The following ATG7 variants were observed in gnomAD, a reference collection of about 807,000 sequenced individuals.
The protein encoded by ATG7 is autophagy related 7.
ATG7 carries 70 observed loss-of-function variants against 82.4 expected under a neutral mutation model. That is an observed-to-expected ratio of 0.85 (90% CI 0.70 to 1.04). ATG7 has a LOEUF of 1.04. Ranked by LOEUF, ATG7 falls within the 50% of genes least tolerant of loss-of-function variation. The pLI is 0.00. For missense variants in ATG7, 792 were observed against 864.3 expected (o/e 0.92, Z 1.05); for synonymous variants, 287 against 313.0 (o/e 0.92, Z 0.88).
chr3:11,568,754 G>T, the ATG7 span: 1 of 1,514,238 alleles, frequency 6.6e-7, no homozygotes, highest in Non-Finnish European at 8.8e-7. This position sits in a 1 kb window ranked among gnomAD's most constrained non-coding sequence, Gnocchi z 5.9. Context: ...TCCTGCCCGG[G>T]AGATGGAAGT....
chr3:11,373,447 C>T (rs1454683212), intron 18 of ATG7, among the ~76,000 whole-genome samples: 7 of 152,176 alleles, frequency 4.6e-5, no homozygotes, highest in Admixed American at 4.6e-4. Flanking sequence ...AACAAAGCAT[C>T]CTGTTTCCCT....
the ATG7 span, among the ~76,000 whole-genome samples, chr3:11,572,559 G>A: frequency 6.6e-6 from 1 of 152,094 alleles, no homozygotes; most frequent in Non-Finnish European, 1.5e-5. Context: ...CGTCCCCTGG[G>A]GCATCCTCTG....
intron 19 of ATG7, among the ~76,000 whole-genome samples, chr3:11,408,700 G>A (rs773664308): frequency 1.1e-4 from 16 of 152,138 alleles, no homozygotes; most frequent in African/African-American, 1.4e-4. Flanking sequence ...GGAACGCCTC[G>A]TTAAAACTGC....
At chr3:11,340,811 C>G in intron 12 of ATG7, 76 bp downstream of exon 12, 1 of 1,350,454 alleles carries the variant, frequency 7.4e-7, no homozygotes, top group South Asian at 1.2e-5. Context: ...CAGGCCAACA[C>G]AACATTGTGT....
At chr3:11,335,231 A>G (rs1381711978) in intron 11 of ATG7, among the ~76,000 whole-genome samples, 2 of 151,852 alleles carry the variant, frequency 1.3e-5, no homozygotes, top group Non-Finnish European at 2.9e-5. Flanking sequence ...GCTCCTGTGT[A>G]ATGTTAACTT....
Position 11,417,442 on chromosome 3 carries a change from CATT to C in ATG7, c.1957-9358_1957-9356del, listed in dbSNP as rs2081466935. Among the ~76,000 whole-genome samples the C allele has an allele frequency of 2.0e-5, 3 of 152,266 alleles. No individual in the cohort carries two copies. The South Asian group carries it at 6.2e-4, about 32-fold the overall frequency. Reference sequence around the variant, plus strand: ...TGTAATGCCCTTCTTTATCTAATAACATTATTTGCTTTGAAGTCTGTTCTATCT... The same window carrying C: ...TGTAATGCCCTTCTTTATCTAATAACATTTGCTTTGAAGTCTGTTCTATCT... On this transcript the variant is annotated intron_variant, in intron 19 of 20. Coordinates refer to ENST00000693202, the MANE Select transcript of ATG7 (RefSeq NM_001349232.2).
chr3:11,394,568 A>G (rs998137202), intron 19 of ATG7, among the ~76,000 whole-genome samples: 1 of 152,220 alleles, frequency 6.6e-6, no homozygotes, highest in Non-Finnish European at 1.5e-5. Flanking sequence ...TGAAGGAGAT[A>G]AAACTTGTAG....
intron 20 of ATG7, among the ~76,000 whole-genome samples, chr3:11,466,160 G>A (rs2153006009): frequency 6.6e-6 from 1 of 152,350 alleles, no homozygotes; most frequent in South Asian, 2.1e-4. Context: ...TGTTCCTCTA[G>A]CGAGAAGCTG....
At chr3:11,433,103 G>A (rs1042932773) in intron 20 of ATG7, among the ~76,000 whole-genome samples, 16 of 151,956 alleles carry the variant, frequency 1.1e-4, no homozygotes, top group African/African-American at 3.9e-4. Context: ...GCCAGCCTGG[G>A]CTAGATGGTG....
At chr3:11,273,208 C>G (rs1359627174) in intron 1 of ATG7, among the ~76,000 whole-genome samples, 3 of 152,218 alleles carry the variant, frequency 2.0e-5, no homozygotes, top group Non-Finnish European at 4.4e-5. Flanking sequence ...TCAACTGTAA[C>G]CAGTCATATC....
chr3:11,399,558 C>T (rs977976873), intron 19 of ATG7, among the ~76,000 whole-genome samples: 1 of 150,832 alleles, frequency 6.6e-6, no homozygotes, highest in Non-Finnish European at 1.5e-5. Flanking sequence ...CCTTCCTTTC[C>T]TCCCTCCCTT....
In ATG7 at chr3:11,554,151, C is replaced by T. The variant is rs188600999; in HGVS notation, c.2080-660C>T. Among the ~76,000 whole-genome samples the T allele has an allele frequency of 1.9e-3, 292 of 152,314 alleles. 1 individual carries two copies. Among genetic ancestry groups the T allele is most frequent in the African/African-American group, 6.2e-3 (258 of 41,566 alleles). On this transcript the variant is annotated intron_variant, in intron 20 of 20. Transcript: ENST00000693202. ...GGTCCCTCAGTTCTCCTCACAGCCA[C>T]GTTGGGGCCTCCTGCTCCCCAGGTT... is the stretch of plus-strand genomic sequence containing the variant.
intron 13 of ATG7, 72 bp from the exon 14 acceptor site, chr3:11,347,805 T>C (rs1418020284): frequency 6.8e-7 from 1 of 1,476,910 alleles, no homozygotes; most frequent in Non-Finnish European, 9.1e-7. Context: ...AATATTCTTT[T>C]TGAGATTTCA....
intron 20 of ATG7, among the ~76,000 whole-genome samples, chr3:11,486,824 T>G (rs1478007443): frequency 7.6e-6 from 1 of 130,884 alleles, no homozygotes; most frequent in African/African-American, 3.3e-5. Flanking sequence ...GGTTCTGTTT[T>G]TTTTTTTTTT....
chr3:11,389,479 T>A (rs1284048889), intron 19 of ATG7, among the ~76,000 whole-genome samples: 1 of 150,964 alleles, frequency 6.6e-6, no homozygotes, highest in Non-Finnish European at 1.5e-5. Flanking sequence ...GCTACATGGT[T>A]CTCTTCTCTA....
At chr3:11,562,268 TTGTC>T (rs1451621507), downstream of ATG7, among the ~76,000 whole-genome samples, 3 of 152,148 alleles carry the variant, frequency 2.0e-5, no homozygotes, top group Non-Finnish European at 4.4e-5. Flanking sequence ...CTCTTGGTGT[TTGTC>T]TGTCCTGAGC....
rs1946383114 is a variant in ATG7, at chr3:11,299,040, G to A, written c.160+185G>A. The A allele has an allele frequency of 7.1e-6, 5 of 703,196 alleles. No homozygotes were observed. In the South Asian group the frequency reaches 1.1e-4, roughly 16 times the overall value. 43.6% of individuals were successfully genotyped at this position (703,196 alleles called of 1,614,324 possible). A position where few individuals can be genotyped will look rare whatever the true frequency, so the allele number is the denominator to read the frequency against. On this transcript the variant is annotated intron_variant, in intron 4 of 20. Coordinates refer to ENST00000693202, the MANE Select transcript of ATG7 (RefSeq NM_001349232.2). ...TTTCATTTATTTTCTCTTGTTGTGG[G>A]GAAAAAGAAAGAGAGTAGTGAAACT...
In ATG7 at chr3:11,298,685, G is replaced by C; in HGVS notation, c.-10-1G>C. ...CTGTGTTCTGTTTTGTTTTTTAATA[G>C]GCAAGAAATAATGGCGGCAGCTACG... On this transcript the variant is annotated splice_acceptor_variant, in intron 3 of 20. Coordinates refer to ENST00000693202, the MANE Select transcript of ATG7 (RefSeq NM_001349232.2). LOFTEE classifies it low-confidence loss of function (5UTR_SPLICE). 4 of 1,611,142 alleles carry C rather than the reference G, an allele frequency of 2.5e-6. No individual in the cohort carries two copies. The highest frequency in any genetic ancestry group is 3.4e-6 in the Non-Finnish European group (4 of 1,178,562).
At chr3:11,336,981 T>G (rs1247076958) in intron 11 of ATG7, among the ~76,000 whole-genome samples, 2 of 152,166 alleles carry the variant, frequency 1.3e-5, no homozygotes, top group East Asian at 3.9e-4. Flanking sequence ...TCGAGGAGTA[T>G]TATTTTAAAT....
Sources: allele counts gnomAD v4.1 joint callset (sites outside exome capture counted in the v4.1 genomes callset), GRCh38; gene constraint gnomAD v4.1.1; non-coding constraint Gnocchi (gnomAD v3.1); transcripts MANE v1.5; gene names NCBI Gene and HGNC (gene_info 2026-07-23, HGNC 2026-07-21).